The following WNT2B variants were observed in gnomAD, a reference collection of about 807,000 sequenced individuals.
The protein encoded by WNT2B is Wnt family member 2B, also known as protein Wnt-2b.
In WNT2B, 19 loss-of-function variants were observed where a neutral mutation model predicts 40.5. That is an observed-to-expected ratio of 0.47 (90% CI 0.33 to 0.69). The LOEUF (loss-of-function observed/expected upper bound fraction) is 0.69, where lower values mean the gene tolerates loss of function less well. WNT2B is among the 30% of genes least tolerant of loss of function. The pLI is 0.02. For synonymous variants in WNT2B, 220 were observed against 211.9 expected (o/e 1.04, Z -0.33); for missense variants, 467 against 556.4 (o/e 0.84, Z 1.62).
rs201153849 is a variant in WNT2B, at chr1:112,517,214, C to T, written c.775C>T (p.Arg259Cys). The T allele has an allele frequency of 3.1e-6, 5 of 1,614,062 alleles. No individual in the cohort carries two copies. Among genetic ancestry groups the T allele is most frequent in the Non-Finnish European group, 4.2e-6 (5 of 1,180,060 alleles). The part of the protein sequence containing the change: ...RTCWRALSDF[R>C]RTGDYLRRRY... ...CTGCTGGCGTGCACTCTCAGATTTC[C>T]GCCGCACAGGTGATTACCTGCGGCG... Residue 259 changes from arginine (R) to cysteine (C), a missense_variant, in exon 4 of 5, where the codon CGC (arginine) becomes TGC (cysteine). By Grantham distance (180) the Arg-to-Cys change is radical. Coordinates refer to ENST00000369684, the MANE Select transcript of WNT2B (RefSeq NM_024494.3).
At chr1:112,499,302 TTATTC>T (rs1458543713) in intron 1 of WNT2B, among the ~76,000 whole-genome samples, 2 of 152,066 alleles carry the variant, frequency 1.3e-5, no homozygotes, top group African/African-American at 2.4e-5. Context: ...ACTTCCTAAC[TTATTC>T]TATAAGTCCA....
In WNT2B at chr1:112,513,274, C is replaced by T. The variant is rs559715381; in HGVS notation, c.183-1600C>T. Among the ~76,000 whole-genome samples the T allele has an allele frequency of 1.8e-4, 27 of 152,300 alleles. 2 individuals are homozygous for T. In the South Asian group the frequency reaches 5.2e-3, roughly 29 times the overall value. On this transcript the variant is annotated intron_variant, in intron 1 of 4. Coordinates refer to ENST00000369684, the MANE Select transcript of WNT2B (RefSeq NM_024494.3). ...GCAGTGGGTGTAACTCTGGGCTGTG[C>T]GTCAGGCAGCCTTTCCGGCCTGGCC...
chr1:112,503,701 G>C (rs982784958), intron 1 of WNT2B, among the ~76,000 whole-genome samples: 2 of 152,122 alleles, frequency 1.3e-5, no homozygotes, highest in African/African-American at 4.8e-5. Flanking sequence ...AGACAGGCAA[G>C]AGACAGGGAT....
chr1:112,514,700 A>C (rs1652465526), intron 1 of WNT2B, 174 bp from the exon 2 acceptor site: 1 of 656,050 alleles, frequency 1.5e-6, no homozygotes, highest in Non-Finnish European at 2.7e-6. Flanking sequence ...ATAACTATTA[A>C]TACTTCTTCA....
At position 112,525,999 on chromosome 1, in the gene WNT2B, G is replaced by A. The variant is rs1213242797; in HGVS notation, c.*5490G>A. 3 of 1,613,964 alleles carry A rather than the reference G, an allele frequency of 1.9e-6. No individual in the cohort carries two copies. The South Asian group carries it at 3.3e-5, about 18-fold the overall frequency. Reference sequence around the variant, plus strand: ...TTTGGTGATTTGTCCAAGGTCACATGAACAGTGCGTGGCTCAGCCAGAACT... The same window carrying A: ...TTTGGTGATTTGTCCAAGGTCACATAAACAGTGCGTGGCTCAGCCAGAACT... On this transcript the variant is annotated 3_prime_UTR_variant, in exon 5 of 5. Transcript: ENST00000369684.
At chr1:112,476,642 T>C (rs1211139696) in intron 1 of WNT2B, among the ~76,000 whole-genome samples, 1 of 152,178 alleles carries the variant, frequency 6.6e-6, no homozygotes, top group African/African-American at 2.4e-5. Context: ...AACCTCCACC[T>C]GTGGGAGAAA....
intron 1 of WNT2B, among the ~76,000 whole-genome samples, chr1:112,494,305 G>A (rs1651702268): frequency 6.6e-6 from 1 of 150,508 alleles, no homozygotes; most frequent in South Asian, 2.1e-4. Flanking sequence ...GAGACGATCC[G>A]TTTCAAAAAA....
intron 1 of WNT2B, among the ~76,000 whole-genome samples, chr1:112,490,645 A>G (rs1302733924): frequency 6.6e-6 from 1 of 151,822 alleles, no homozygotes; most frequent in Non-Finnish European, 1.5e-5. Flanking sequence ...GCCCATCACC[A>G]CACCCGGCTA....
chr1:112,513,405 ACCCCTT>A (rs1652421846), intron 1 of WNT2B, among the ~76,000 whole-genome samples: 1 of 152,068 alleles, frequency 6.6e-6, no homozygotes, highest in African/African-American at 2.4e-5. Flanking sequence ...CAGCCCTCTC[ACCCCTT>A]CCCCGGGACA....
upstream of WNT2B, among the ~76,000 whole-genome samples, chr1:112,504,408 C>G (rs1652048503): frequency 6.6e-6 from 1 of 152,206 alleles, no homozygotes; most frequent in African/African-American, 2.4e-5. Context: ...ATCAAGCCCC[C>G]TTTCCTGGTT....
At chr1:112,488,429 T>C (rs1283762701) in intron 1 of WNT2B, among the ~76,000 whole-genome samples, 1 of 73,128 alleles carries the variant, frequency 1.4e-5, no homozygotes, top group Non-Finnish European at 3.8e-5. Flanking sequence ...TTTATCTGAT[T>C]AGATTGGCCT....
intron 1 of WNT2B, among the ~76,000 whole-genome samples, chr1:112,512,992 A>C (rs1377333506): frequency 6.6e-6 from 1 of 152,210 alleles, no homozygotes. Flanking sequence ...GCTGCAGCAG[A>C]ATGGATTTAA....
At position 112,509,442 on chromosome 1, in the gene WNT2B, G is replaced by A; in HGVS notation, c.180G>A (p.Trp60Ter). The A allele has an allele frequency of 1.3e-6, 2 of 1,585,666 alleles. No individual in the cohort carries two copies. The highest frequency in any genetic ancestry group is 1.7e-6 in the Non-Finnish European group (2 of 1,173,868). ...LTLPARVDTS[W>*]WYIGALGARV... The stretch of plus-strand genomic sequence containing the variant: ...TGCCGGCCCGCGTAGACACGTCCTG[G>A]TGGTAAGTGTGGCTCTCAGGCTGGG... Residue 60 changes from tryptophan to a stop codon, truncating the protein, a stop_gained and splice_region_variant, in exon 1 of 5, where the codon TGG (tryptophan) becomes TGA (stop). Transcript: ENST00000369684. LOFTEE classifies it high-confidence loss of function. This position sits in a 1 kb window ranked among gnomAD's most constrained non-coding sequence, Gnocchi z 4.2.
chr1:112,517,843 A>G, intron 4 of WNT2B: 1 of 157,080 alleles, frequency 6.4e-6, no homozygotes, highest in Non-Finnish European at 1.4e-5. Flanking sequence ...GTAGGGAAAA[A>G]AAAGAAACTA....
rs1652915898 is a variant in WNT2B at position 112,522,112 on chromosome 1, C to G, written c.*1603C>G. The G allele has an allele frequency of 1.3e-5, 2 of 152,086 alleles. No individual in the cohort carries two copies. Among genetic ancestry groups the G allele is most frequent in the Admixed American group, 6.6e-5 (1 of 15,250 alleles). 9.4% of individuals were successfully genotyped at this position (152,086 alleles called of 1,614,324 possible). A position where few individuals can be genotyped will look rare whatever the true frequency, so the allele number is the denominator to read the frequency against. ...CTGGCATGATCATGGCTCACTGCAGCCTCAAATTCCCAGGCTCAAGCAATC... is the reference window on the plus strand; with the variant it reads ...CTGGCATGATCATGGCTCACTGCAGGCTCAAATTCCCAGGCTCAAGCAATC... On this transcript the variant is annotated 3_prime_UTR_variant, in exon 5 of 5. Coordinates refer to ENST00000369684, the MANE Select transcript of WNT2B (RefSeq NM_024494.3).
intron 1 of WNT2B, among the ~76,000 whole-genome samples, chr1:112,514,232 G>C (rs889183667): frequency 6.6e-6 from 1 of 152,184 alleles, no homozygotes; most frequent in Non-Finnish European, 1.5e-5. Context: ...GTTAAGAAAG[G>C]CCCTGGGGCC....
At chr1:112,484,723 C>CA (rs1463804579) in intron 1 of WNT2B, among the ~76,000 whole-genome samples, 3 of 146,784 alleles carry the variant, frequency 2.0e-5, no homozygotes, top group Non-Finnish European at 4.5e-5. Context: ...GCCTGGGTGA[C>CA]AGAGCAAGAC....
chr1:112,475,254 A>G (rs1222448017), intron 1 of WNT2B, among the ~76,000 whole-genome samples: 4 of 152,226 alleles, frequency 2.6e-5, no homozygotes, highest in Non-Finnish European at 4.4e-5. Context: ...AAATAAAGAT[A>G]TTTCTCAAAC....
intron 1 of WNT2B, among the ~76,000 whole-genome samples, chr1:112,498,015 G>A (rs12081787): frequency 2.3e-3 from 352 of 151,478 alleles, no homozygotes; most frequent in African/African-American, 7.5e-3. Context: ...TCAACCCGTC[G>A]TCATCTAGAT....
Sources: allele counts gnomAD v4.1 joint callset (sites outside exome capture counted in the v4.1 genomes callset), GRCh38; gene constraint gnomAD v4.1.1; non-coding constraint Gnocchi (gnomAD v3.1); transcripts MANE v1.5; gene names NCBI Gene and HGNC (gene_info 2026-07-23, HGNC 2026-07-21).